Variants in PCDHB15 observed in about 807,000 individuals in gnomAD.
PCDHB15 encodes protocadherin beta-15.
For missense variants in PCDHB15, 1,032 were observed against 991.7 expected (o/e 1.04, Z -0.55); for synonymous variants, 492 against 447.9 (o/e 1.10, Z -1.24).
chr5:141,246,168 A>G lies in PCDHB15; in HGVS notation c.590A>G (p.Asp197Gly), dbSNP rs1291380941. ...DGRKYPELVL[D>G]TELDREEQAE... ...AGGAAATACCCAGAGCTGGTGCTGG[A>G]CACAGAACTGGATCGCGAGGAGCAG... The change falls in exon 1 of 1, where the codon GAC (aspartate) becomes GGC (glycine). Residue 197 changes from aspartate (D) to glycine (G), a missense_variant. Coordinates refer to ENST00000231173, the MANE Select transcript of PCDHB15 (RefSeq NM_018935.4). The G allele has an allele frequency of 6.2e-7, 1 of 1,614,092 alleles. No homozygotes were observed. The highest frequency in any genetic ancestry group is 8.5e-7 in the Non-Finnish European group (1 of 1,180,042).
At position 141,247,117 on chromosome 5, in the gene PCDHB15, G is replaced by A. The variant is rs370651254; in HGVS notation, c.1539G>A (p.Leu513=). The A allele has an allele frequency of 1.9e-6, 3 of 1,613,974 alleles. No individual in the cohort carries two copies. The highest frequency in any genetic ancestry group is 1.7e-5 in the Admixed American group (1 of 60,024). ...CCATTAACACGGACAACGGCCACCT[G>A]TTCGCTCTCCAGTCGCTGGACTACG... ...LVSINTDNGH[L]FALQSLDYEA... The change falls in exon 1 of 1, where the codon CTG becomes CTA. Residue 513 remains leucine (L), a synonymous_variant. Transcript: ENST00000231173.
chr5:141,245,646 T>A lies in PCDHB15; in HGVS notation c.68T>A (p.Val23Glu). ...QVLILLLLLE[V>E]TLAGWEPRRY... is the part of the protein sequence containing the mutation. Reference sequence around the variant, plus strand: ...CTGATTCTCCTTCTTTTACTGGAAGTGACTCTGGCAGGCTGGGAACCCCGT... The same window carrying A: ...CTGATTCTCCTTCTTTTACTGGAAGAGACTCTGGCAGGCTGGGAACCCCGT... The change falls in exon 1 of 1, where the codon GTG (valine) becomes GAG (glutamate). Residue 23 changes from valine (V) to glutamate (E), a missense_variant. Transcript: ENST00000231173. 6 of 1,614,174 alleles carry A rather than the reference T, an allele frequency of 3.7e-6. No homozygotes were observed. The highest frequency in any genetic ancestry group is 5.1e-6 in the Non-Finnish European group (6 of 1,180,022).
In PCDHB15 at chr5:141,247,723, G is replaced by A. The variant is rs782556583; in HGVS notation, c.2145G>A (p.Arg715=). The change falls in exon 1 of 1, where the codon AGG becomes AGA. Residue 715 remains arginine, a synonymous_variant. Coordinates refer to ENST00000231173, the MANE Select transcript of PCDHB15 (RefSeq NM_018935.4). The part of the protein sequence containing the change: ...VFLFVAVRLC[R]RSRAASVGRC... ...TGTTCGTGGCAGTGCGGCTGTGCAG[G>A]AGGAGCAGGGCGGCCTCAGTGGGTC... 25 of 1,613,514 alleles carry A rather than the reference G, an allele frequency of 1.5e-5. No individual in the cohort carries two copies. In the East Asian group the frequency reaches 4.2e-4, roughly 27 times the overall value.
At position 141,246,823 on chromosome 5, in the gene PCDHB15, C is replaced by T. The variant is rs1554292026; in HGVS notation, c.1245C>T (p.Ala415=). 9 of 1,613,974 alleles carry T rather than the reference C, an allele frequency of 5.6e-6. No homozygotes were observed. The highest frequency in any genetic ancestry group is 4.0e-5 in the African/African-American group (3 of 74,880). Residue 415 remains alanine (A), a synonymous_variant, in exon 1 of 1, where the codon GCC becomes GCT. Coordinates refer to ENST00000231173, the MANE Select transcript of PCDHB15 (RefSeq NM_018935.4). The stretch of plus-strand genomic sequence containing the variant: ...GGGCGCTGGACAGAGAGACCAGAGC[C>T]GAGTACAACATCACCATCACCATCA... ...TEGALDRETR[A]EYNITITITD... is the part of the protein sequence containing the mutation.
chr5:141,247,053 C>A lies in PCDHB15; in HGVS notation c.1475C>A (p.Pro492Gln). 1 of 1,613,776 alleles carries A rather than the reference C, an allele frequency of 6.2e-7. No homozygotes were observed. ...TNAQVTYSLLPPRDPHLPLTS... is the reference protein window; with the variant it reads ...TNAQVTYSLLQPRDPHLPLTS... ...GCCCAGGTCACCTACTCGCTGCTGC[C>A]GCCCCGGGACCCGCACCTGCCCCTC... The change falls in exon 1 of 1, where the codon CCG (proline) becomes CAG (glutamine). Residue 492 changes from proline to glutamine, a missense_variant. Transcript: ENST00000231173.
In PCDHB15 at chr5:141,247,447, G is replaced by T; in HGVS notation, c.1869G>T (p.Glu623Asp). ...TCGGCGTGTGGGCGCACAATGGCGA[G>T]GTGCGCACCGCCAGGCTGCTGAGCG... ...GLFGVWAHNGEVRTARLLSER... is the reference protein window; with the variant it reads ...GLFGVWAHNGDVRTARLLSER... The change falls in exon 1 of 1, where the codon GAG becomes GAT. Residue 623 changes from glutamate (E) to aspartate (D), a missense_variant. By Grantham distance (45) the Glu-to-Asp change is conservative (BLOSUM62 2). Transcript: ENST00000231173. 1 of 1,607,308 alleles carries T rather than the reference G, an allele frequency of 6.2e-7. No homozygotes were observed.
chr5:141,247,237 C>T lies in PCDHB15; in HGVS notation c.1659C>T (p.Asp553=), dbSNP rs1755294776. ...SEALVRVLVL[D]ANDNSPFVLY... is the part of the protein sequence containing the mutation. ...CGCTGGTGCGAGTGCTGGTGCTGGA[C>T]GCCAACGACAACTCGCCCTTCGTGC... is the stretch of plus-strand genomic sequence containing the variant. The change falls in exon 1 of 1, where the codon GAC becomes GAT. Residue 553 remains aspartate (D), a synonymous_variant. Coordinates refer to ENST00000231173, the MANE Select transcript of PCDHB15 (RefSeq NM_018935.4). The T allele has an allele frequency of 6.2e-7, 1 of 1,611,816 alleles. No individual in the cohort carries two copies. Among genetic ancestry groups the T allele is most frequent in the East Asian group, 2.2e-5 (1 of 44,866 alleles).
At position 141,245,983 on chromosome 5, in the gene PCDHB15, AAG is replaced by A; in HGVS notation, c.409_410del (p.Glu137AsnfsTer9). 1 of 1,614,136 alleles carries A rather than the reference AAG, an allele frequency of 6.2e-7. No individual in the cohort carries two copies. The highest frequency in any genetic ancestry group is 1.1e-5 in the South Asian group (1 of 91,090). Reference sequence around the variant, plus strand: ...ACGATCATTCTCCTGAGTTTCCTGAAAGAGAAATGACCCTGAAAATCCCAGAA... The same window carrying A: ...ACGATCATTCTCCTGAGTTTCCTGAAAGAAATGACCCTGAAAATCCCAGAA... The part of the protein sequence containing the change: ...INDHSPEFPE[R>X]EMTLKIPETS... On this transcript the variant is annotated frameshift_variant, in exon 1 of 1. Coordinates refer to ENST00000231173, the MANE Select transcript of PCDHB15 (RefSeq NM_018935.4). LOFTEE classifies it low-confidence loss of function (END_TRUNC).
At position 141,246,210 on chromosome 5, in the gene PCDHB15, C is replaced by T; in HGVS notation, c.632C>T (p.Thr211Ile). Residue 211 changes from threonine (T) to isoleucine (I), a missense_variant, in exon 1 of 1, where the codon ACC (threonine) becomes ATC (isoleucine). Transcript: ENST00000231173. ...GAGGAGCAGGCCGAGCTCAGATTAA[C>T]CTTGACAGCGGTGGACGGTGGCTCT... ...DREEQAELRL[T>I]LTAVDGGSPP... is the part of the protein sequence containing the mutation. The T allele has an allele frequency of 6.2e-7, 1 of 1,614,202 alleles. No individual in the cohort carries two copies.
Position 141,246,116 on chromosome 5 carries a change from G to A in PCDHB15, c.538G>A (p.Val180Ile). Residue 180 changes from valine to isoleucine, a missense_variant, in exon 1 of 1, where the codon GTT becomes ATT. Transcript: ENST00000231173. ...YNISPNSHFH[V>I]STRTRGDGRK... The stretch of plus-strand genomic sequence containing the variant: ...TATTTCTCCCAATTCTCATTTCCAT[G>A]TTTCCACTCGCACCCGAGGGGATGG... 1 of 1,614,148 alleles carries A rather than the reference G, an allele frequency of 6.2e-7. No individual in the cohort carries two copies. The highest frequency in any genetic ancestry group is 8.5e-7 in the Non-Finnish European group (1 of 1,180,036).
chr5:141,247,850 G>A lies in PCDHB15; in HGVS notation c.2272G>A (p.Gly758Ser). Residue 758 changes from glycine (G) to serine (S), a missense_variant, in exon 1 of 1, where the codon GGC (glycine) becomes AGC (serine). Gly to Ser is a moderately conservative substitution (Grantham distance 56, BLOSUM62 0). Coordinates refer to ENST00000231173, the MANE Select transcript of PCDHB15 (RefSeq NM_018935.4). Reference protein sequence around the residue: ...SYQYEVCLTGGSESNDFKFLK... With the variant: ...SYQYEVCLTGSSESNDFKFLK... The stretch of plus-strand genomic sequence containing the variant: ...CCAGTACGAGGTGTGTCTGACGGGA[G>A]GCTCTGAAAGTAATGATTTCAAGTT... The A allele has an allele frequency of 6.2e-7, 1 of 1,614,234 alleles. No individual in the cohort carries two copies. Among genetic ancestry groups the A allele is most frequent in the Non-Finnish European group, 8.5e-7 (1 of 1,180,042 alleles).
rs1755251958 is a variant in PCDHB15 at position 141,246,104 on chromosome 5, T to C, written c.526T>C (p.Ser176Pro). The change falls in exon 1 of 1, where the codon TCT becomes CCT. Residue 176 changes from serine to proline, a missense_variant. Coordinates refer to ENST00000231173, the MANE Select transcript of PCDHB15 (RefSeq NM_018935.4). Reference sequence around the variant, plus strand: ...TCAAAACTACAATATTTCTCCCAATTCTCATTTCCATGTTTCCACTCGCAC... The same window carrying C: ...TCAAAACTACAATATTTCTCCCAATCCTCATTTCCATGTTTCCACTCGCAC... Reference protein sequence around the residue: ...NVQNYNISPNSHFHVSTRTRG... With the variant: ...NVQNYNISPNPHFHVSTRTRG... 3 of 1,614,184 alleles carry C rather than the reference T, an allele frequency of 1.9e-6. No homozygotes were observed. Among genetic ancestry groups the C allele is most frequent in the Non-Finnish European group, 2.5e-6 (3 of 1,180,036 alleles).
chr5:141,246,530 G>C lies in PCDHB15; in HGVS notation c.952G>C (p.Asp318His), dbSNP rs782165004. 16 of 1,614,066 alleles carry C rather than the reference G, an allele frequency of 9.9e-6. 1 individual carries two copies. In the South Asian group the frequency reaches 1.8e-4, roughly 18 times the overall value. The change falls in exon 1 of 1, where the codon GAT (aspartate) becomes CAT (histidine). Residue 318 changes from aspartate (D) to histidine (H), a missense_variant. Coordinates refer to ENST00000231173, the MANE Select transcript of PCDHB15 (RefSeq NM_018935.4). ...DFETMSSYDL[D>H]IEASDGGGLS... is the part of the protein sequence containing the mutation. ...TGAGACAATGTCTTCGTATGATCTA[G>C]ATATAGAGGCATCTGATGGCGGGGG...
In PCDHB15 at chr5:141,246,396, C is replaced by A. The variant is rs942590393; in HGVS notation, c.818C>A (p.Thr273Lys). 1 of 1,613,608 alleles carries A rather than the reference C, an allele frequency of 6.2e-7. No individual in the cohort carries two copies. Among genetic ancestry groups the A allele is most frequent in the Non-Finnish European group, 8.5e-7 (1 of 1,179,658 alleles). ...KVSARDLDTG[T>K]NGEISYSLYY... ...TCTGCTAGGGATTTAGACACTGGGA[C>A]AAATGGAGAGATATCATACTCCCTT... is the stretch of plus-strand genomic sequence containing the variant. The change falls in exon 1 of 1, where the codon ACA becomes AAA. Residue 273 changes from threonine (T) to lysine (K), a missense_variant. Thr to Lys is a moderately conservative substitution (Grantham distance 78). Transcript: ENST00000231173.
chr5:141,247,613 G>C lies in PCDHB15; in HGVS notation c.2035G>C (p.Ala679Pro). 12 of 1,610,236 alleles carry C rather than the reference G, an allele frequency of 7.5e-6. No individual in the cohort carries two copies. Among genetic ancestry groups the C allele is most frequent in the Non-Finnish European group, 1.0e-5 (12 of 1,179,794 alleles). ...CCTGCCGCTCCCAGAGGCGGCCCCGGCCCAAGCCCAGGCCGACTCGCTTAC... is the reference window on the plus strand; with the variant it reads ...CCTGCCGCTCCCAGAGGCGGCCCCGCCCCAAGCCCAGGCCGACTCGCTTAC... ...PYLPLPEAAPAQAQADSLTVY... is the reference protein window; with the variant it reads ...PYLPLPEAAPPQAQADSLTVY... Residue 679 changes from alanine to proline, a missense_variant, in exon 1 of 1, where the codon GCC (alanine) becomes CCC (proline). Physicochemically the swap from Ala to Pro is conservative, Grantham distance 27. Transcript: ENST00000231173.
chr5:141,248,175 A>G lies in PCDHB15; in HGVS notation c.*233A>G. On this transcript the variant is annotated 3_prime_UTR_variant, in exon 1 of 1. Coordinates refer to ENST00000231173, the MANE Select transcript of PCDHB15 (RefSeq NM_018935.4). Reference sequence around the variant, plus strand: ...ATTTCTGAATAAATTAATAGTATTCATTCCTGAAGGGTGATATGAAAGTTA... The same window carrying G: ...ATTTCTGAATAAATTAATAGTATTCGTTCCTGAAGGGTGATATGAAAGTTA... 2.9e-6 allele frequency: 1 copy of G among 344,576 alleles called. No homozygotes were observed. The highest frequency in any genetic ancestry group is 5.3e-6 in the Non-Finnish European group (1 of 189,426). 21.3% of individuals were successfully genotyped at this position (344,576 alleles called of 1,614,324 possible).
In PCDHB15 at chr5:141,247,132, G is replaced by T. The variant is rs1755290039; in HGVS notation, c.1554G>T (p.Ser518=). ...TDNGHLFALQ[S]LDYEALQAFE... is the part of the protein sequence containing the mutation. ...ACGGCCACCTGTTCGCTCTCCAGTC[G>T]CTGGACTACGAGGCCCTGCAGGCTT... The change falls in exon 1 of 1, where the codon TCG becomes TCT. Residue 518 remains serine (S), a synonymous_variant. Transcript: ENST00000231173. 6.2e-7 allele frequency: 1 copy of T among 1,613,774 alleles called. No homozygotes were observed. The highest frequency in any genetic ancestry group is 1.3e-5 in the African/African-American group (1 of 74,936).
Position 141,246,369 on chromosome 5 carries a change from T to A in PCDHB15, c.791T>A (p.Val264Asp). 6.2e-7 allele frequency: 1 copy of A among 1,614,058 alleles called. No individual in the cohort carries two copies. Among genetic ancestry groups the A allele is most frequent in the Non-Finnish European group, 8.5e-7 (1 of 1,179,952 alleles). Residue 264 changes from valine (V) to aspartate (D), a missense_variant, in exon 1 of 1, where the codon GTC (valine) becomes GAC (aspartate). Coordinates refer to ENST00000231173, the MANE Select transcript of PCDHB15 (RefSeq NM_018935.4). ...NSPVGSLVVK[V>D]SARDLDTGTN... ...CCAGTAGGCTCCCTAGTTGTCAAGG[T>A]CTCTGCTAGGGATTTAGACACTGGG... is the stretch of plus-strand genomic sequence containing the variant.
In PCDHB15 at chr5:141,248,915, A is replaced by C. The variant is rs1279255956; in HGVS notation, c.*973A>C. 1.3e-5 allele frequency: 2 copies of C among 152,182 alleles called. No homozygotes were observed. Among genetic ancestry groups the C allele is most frequent in the Non-Finnish European group, 2.9e-5 (2 of 68,034 alleles). 9.4% of individuals were successfully genotyped at this position (152,182 alleles called of 1,614,324 possible). A position where few individuals can be genotyped will look rare whatever the true frequency, so the allele number is the denominator to read the frequency against. On this transcript the variant is annotated 3_prime_UTR_variant, in exon 1 of 1. Transcript: ENST00000231173. The stretch of plus-strand genomic sequence containing the variant: ...AAAGGATATGTTGGTGAAGGAGTTG[A>C]ATTATTTGAGGAAAAAACATCTGCT...
Sources: allele counts gnomAD v4.1 joint callset, GRCh38; gene constraint gnomAD v4.1.1; transcripts MANE v1.5; gene names NCBI Gene and HGNC (gene_info 2026-07-23, HGNC 2026-07-21).